Variants in MALSU1 observed in about 807,000 individuals in gnomAD.
MALSU1 encodes the protein mitochondrial assembly of ribosomal large subunit protein 1.
In MALSU1, 22 loss-of-function variants were observed where a neutral mutation model predicts 22.1. The ratio of observed to expected loss-of-function variants is 1.00; its 90% confidence interval spans 0.71 to 1.42. MALSU1 has a LOEUF of 1.42. Ranked by LOEUF, MALSU1 falls within the 40% of genes most tolerant of loss-of-function variation. The pLI, the probability that MALSU1 is intolerant of heterozygous loss-of-function variation, is 0.00. For synonymous variants in MALSU1, 153 were observed against 118.5 expected (o/e 1.29, Z -1.89); for missense variants, 379 against 308.3 (o/e 1.23, Z -1.72).
Position 23,307,879 on chromosome 7 carries a change from G to A in MALSU1, c.447G>A (p.Leu149=). The change falls in exon 3 of 4, where the codon CTG becomes CTA. Residue 149 remains leucine, a synonymous_variant. Transcript: ENST00000466681. The part of the protein sequence containing the change: ...AFYVVKMYKH[L]KCKRDPHVKI... ...CTGGCTTTTTGCAGTACAAACACCT[G>A]AAATGTAAACGTGACCCTCATGTTA... 1 of 1,613,720 alleles carries A rather than the reference G, an allele frequency of 6.2e-7. No homozygotes were observed. The highest frequency in any genetic ancestry group is 8.5e-7 in the Non-Finnish European group (1 of 1,179,720).
At chr7:23,308,360 A>T (rs992554318) in intron 3 of MALSU1, among the ~76,000 whole-genome samples, 3 of 152,224 alleles carry the variant, frequency 2.0e-5, no homozygotes, top group Non-Finnish European at 2.9e-5. Flanking sequence ...GGACAAGAGC[A>T]GAAGACTAGA....
At chr7:23,307,155 T>A (rs924918878) in intron 2 of MALSU1, among the ~76,000 whole-genome samples, 1 of 152,238 alleles carries the variant, frequency 6.6e-6, no homozygotes, top group Non-Finnish European at 1.5e-5. Flanking sequence ...GTACAGTTGC[T>A]CATAATACTC....
chr7:23,308,037 T>C, intron 3 of MALSU1, 88 bp downstream of exon 3: 2 of 998,518 alleles, frequency 2.0e-6, no homozygotes, highest in Admixed American at 1.8e-5. Context: ...TGAGATCAAA[T>C]TGATGAATGT....
At chr7:23,304,035 G>A (rs1381056057) in intron 2 of MALSU1, among the ~76,000 whole-genome samples, 1 of 151,966 alleles carries the variant, frequency 6.6e-6, no homozygotes, top group African/African-American at 2.4e-5. Flanking sequence ...GAACCTGGGA[G>A]GTGGAGGTTG....
intron 1 of MALSU1, 142 bp from the exon 2 acceptor site, chr7:23,300,697 G>C: frequency 1.5e-6 from 1 of 665,382 alleles, no homozygotes; most frequent in South Asian, 1.9e-5. Context: ...TCACCTTCCA[G>C]GAGGCCTTTA....
chr7:23,307,655 G>A (rs1783738629), intron 2 of MALSU1: 2 of 488,712 alleles, frequency 4.1e-6, no homozygotes, highest in South Asian at 6.0e-5. Flanking sequence ...AGAAGGGCTG[G>A]GGCAGGAGAA....
chr7:23,303,391 A>G (rs769367189), intron 2 of MALSU1, among the ~76,000 whole-genome samples: 8 of 152,240 alleles, frequency 5.3e-5, no homozygotes, highest in Admixed American at 3.3e-4. Context: ...ATAATACTCT[A>G]TCTTACGTAT....
At chr7:23,303,061 C>T (rs1263633908) in intron 2 of MALSU1, among the ~76,000 whole-genome samples, 1 of 152,144 alleles carries the variant, frequency 6.6e-6, no homozygotes, top group African/African-American at 2.4e-5. Context: ...TGTGCCCAGC[C>T]CATTTAACAA....
chr7:23,301,380 C>T (rs1783643390), intron 2 of MALSU1, among the ~76,000 whole-genome samples: 1 of 152,136 alleles, frequency 6.6e-6, no homozygotes. Flanking sequence ...CCTGCCTCAT[C>T]CTCCTGAGTA....
chr7:23,309,595 T>G lies in MALSU1; in HGVS notation c.*52T>G. 7.0e-7 allele frequency: 1 copy of G among 1,427,494 alleles called. No homozygotes were observed. The highest frequency in any genetic ancestry group is 9.5e-7 in the Non-Finnish European group (1 of 1,055,886). 88.4% of individuals were successfully genotyped at this position (1,427,494 alleles called of 1,614,324 possible). ...TTCAGATTTGGATTGAGTCACTTAT[T>G]GGAAAATACAGCTCCTAAAGTCCGT... On this transcript the variant is annotated 3_prime_UTR_variant, in exon 4 of 4. Transcript: ENST00000466681.
At chr7:23,299,659 C>T in intron 1 of MALSU1, 51 bp downstream of exon 1, 1 of 1,521,636 alleles carries the variant, frequency 6.6e-7, no homozygotes. Context: ...AGTCTGGAGT[C>T]AGGTCCCAGC....
In MALSU1 at chr7:23,310,140, G is replaced by GTT. The variant is rs1203778846; in HGVS notation, c.*599_*600dup. Reference sequence around the variant, plus strand: ...ATGGTATAACAGAAATCTGCGTAGAGTTTGAAAAAAAATTCAGAACATTCC... The same window carrying GTT: ...ATGGTATAACAGAAATCTGCGTAGAGTTTTTGAAAAAAAATTCAGAACATTCC... On this transcript the variant is annotated 3_prime_UTR_variant, in exon 4 of 4. Coordinates refer to ENST00000466681, the MANE Select transcript of MALSU1 (RefSeq NM_138446.2). The GTT allele has an allele frequency of 6.6e-6, 1 of 152,052 alleles. No individual in the cohort carries two copies. Among genetic ancestry groups the GTT allele is most frequent in the African/African-American group, 2.4e-5 (1 of 41,416 alleles). 9.4% of individuals were successfully genotyped at this position (152,052 alleles called of 1,614,324 possible).
At chr7:23,308,439 A>G (rs1783753431) in intron 3 of MALSU1, among the ~76,000 whole-genome samples, 1 of 152,206 alleles carries the variant, frequency 6.6e-6, no homozygotes. Context: ...CCAACAAGAT[A>G]ATATTTACAA....
At chr7:23,305,202 T>C (rs181927339) in intron 2 of MALSU1, among the ~76,000 whole-genome samples, 1 of 152,300 alleles carries the variant, frequency 6.6e-6, no homozygotes, top group Non-Finnish European at 1.5e-5. Context: ...CATTTGACCA[T>C]AGGCACAAGG....
At chr7:23,299,659 C>G (rs1262913093) in intron 1 of MALSU1, 51 bp downstream of exon 1, 1 of 1,521,636 alleles carries the variant, frequency 6.6e-7, no homozygotes, top group Non-Finnish European at 8.9e-7. Context: ...AGTCTGGAGT[C>G]AGGTCCCAGC....
In MALSU1 at chr7:23,307,724, T is replaced by C. The variant is rs548438125; in HGVS notation, c.436-144T>C. On this transcript the variant is annotated intron_variant, in intron 2 of 3. Transcript: ENST00000466681. ...AGGGAGAAATAGTTTCCCTAAGTTA[T>C]TCATCACAGGGCAAAGTATAGCAAT... 4 of 586,684 alleles carry C rather than the reference T, an allele frequency of 6.8e-6. No homozygotes were observed. In the South Asian group the frequency reaches 9.4e-5, roughly 14 times the overall value. 36.3% of individuals were successfully genotyped at this position (586,684 alleles called of 1,614,324 possible). A position where few individuals can be genotyped will look rare whatever the true frequency, so the allele number is the denominator to read the frequency against.
chr7:23,302,007 T>C (rs1390350430), intron 2 of MALSU1, among the ~76,000 whole-genome samples: 1 of 152,066 alleles, frequency 6.6e-6, no homozygotes, highest in East Asian at 1.9e-4. Flanking sequence ...TCTGCAGTTA[T>C]ATTAGCTATA....
chr7:23,307,780 A>C (rs187513173), intron 2 of MALSU1, 88 bp from the exon 3 acceptor site: 2 of 806,594 alleles, frequency 2.5e-6, no homozygotes, highest in Non-Finnish European at 4.1e-6. Flanking sequence ...TAAAAAAAAC[A>C]AACAAACAAA....
intron 2 of MALSU1, among the ~76,000 whole-genome samples, chr7:23,303,264 G>A (rs1027654173): frequency 6.6e-6 from 1 of 152,152 alleles, no homozygotes; most frequent in African/African-American, 2.4e-5. Context: ...CTACTTTTCA[G>A]TATCTCATAA....
Sources: gnomAD v4.1 joint callset for allele counts (sites outside exome capture counted in the v4.1 genomes callset) on GRCh38, gnomAD v4.1.1 for gene constraint, MANE v1.5 for transcripts, NCBI Gene and HGNC (gene_info 2026-07-23, HGNC 2026-07-21) for gene names.